SMARCC1: variants seen among roughly 807,000 people sequenced by gnomAD.
SMARCC1 encodes the protein SWI/SNF complex subunit SMARCC1.
SMARCC1 carries 43 observed loss-of-function variants against 147.4 expected under a neutral mutation model. The ratio of observed to expected loss-of-function variants is 0.29; its 90% CI spans 0.23 to 0.38. The LOEUF is 0.38. Ranked by LOEUF, SMARCC1 falls within the 10% of genes least tolerant of loss-of-function variation. The probability of loss-of-function intolerance (pLI) is 1.00; values close to 1 mark genes in which losing one functional copy is unlikely to be tolerated. For missense variants in SMARCC1, 1,119 were observed against 1,381.1 expected, an observed-to-expected ratio of 0.81 and a Z score of 3.01; for synonymous variants, 495 against 484.4, an observed-to-expected ratio of 1.02 and a Z score of -0.29.
intron 11 of SMARCC1, among the ~76,000 whole-genome samples, chr3:47,696,680 G>A (rs962997567): frequency 6.6e-6 from 1 of 151,692 alleles, no homozygotes; most frequent in African/African-American, 2.4e-5. Context: ...CACCACACCC[G>A]GCTAATTTTT....
At chr3:47,657,328 A>T (rs1281759545) in intron 21 of SMARCC1, among the ~76,000 whole-genome samples, 1 of 152,226 alleles carries the variant, frequency 6.6e-6, no homozygotes, top group African/African-American at 2.4e-5. Flanking sequence ...AGGCAACAAA[A>T]CAAGTCTTAA....
At chr3:47,688,184 C>T (rs1259087111) in intron 13 of SMARCC1, among the ~76,000 whole-genome samples, 1 of 152,004 alleles carries the variant, frequency 6.6e-6, no homozygotes, top group East Asian at 1.9e-4. Flanking sequence ...CGCTAGAACC[C>T]GGGAGGCGGA....
chr3:47,714,902 G>A (rs962309134), intron 7 of SMARCC1, among the ~76,000 whole-genome samples: 2 of 152,102 alleles, frequency 1.3e-5, no homozygotes, highest in Non-Finnish European at 2.9e-5. Flanking sequence ...AAGCTCCTCT[G>A]TAGAGGTCAC....
intron 2 of SMARCC1, among the ~76,000 whole-genome samples, chr3:47,750,007 G>A (rs1450352634): frequency 3.3e-5 from 5 of 151,752 alleles, no homozygotes; most frequent in African/African-American, 4.8e-5. Flanking sequence ...GCATGAACCC[G>A]GGACATGGAG....
intron 10 of SMARCC1, 166 bp from the exon 11 acceptor site, chr3:47,701,568 A>G: frequency 1.6e-6 from 1 of 627,586 alleles, no homozygotes; most frequent in Non-Finnish European, 2.8e-6. Context: ...TAATCAGAGC[A>G]CTTTGGGAGG....
Position 47,781,786 on chromosome 3 carries a change from C to T in SMARCC1, c.12G>A (p.Ala4=), listed in dbSNP as rs1208229449. The change falls in exon 1 of 28, where the codon GCG becomes GCA. Residue 4 remains alanine (A), a synonymous_variant. Coordinates refer to ENST00000254480, the MANE Select transcript of SMARCC1 (RefSeq NM_003074.4). MAA[A]AGGGGPGTAV... is the part of the protein sequence containing the mutation. The stretch of plus-strand genomic sequence containing the variant: ...CTGTCCCCGGCCCGCCGCCGCCCGC[C>T]GCTGCGGCCATCGTCGCAGCCCGTC... 2.7e-6 allele frequency: 4 copies of T among 1,461,408 alleles called. No individual in the cohort carries two copies. The highest frequency in any genetic ancestry group is 3.6e-6 in the Non-Finnish European group (4 of 1,108,210). The allele number at this position is 1,461,408 out of a possible 1,614,324, so 90.5% of individuals were successfully genotyped here.
chr3:47,600,997 A>AGGAG (rs1559622849), intron 26 of SMARCC1, among the ~76,000 whole-genome samples: 1 of 28,884 alleles, frequency 3.5e-5, no homozygotes, highest in African/African-American at 1.5e-4. Flanking sequence ...GAGGAAGAAA[A>AGGAG]TGAGAGAGAG....
intron 11 of SMARCC1, among the ~76,000 whole-genome samples, chr3:47,696,497 C>T (rs1202572255): frequency 6.6e-6 from 1 of 151,950 alleles, no homozygotes; most frequent in African/African-American, 2.4e-5. Flanking sequence ...AGACTATATG[C>T]TGTGAAATAA....
At chr3:47,647,748 G>A (rs894025670) in intron 21 of SMARCC1, among the ~76,000 whole-genome samples, 6 of 152,154 alleles carry the variant, frequency 3.9e-5, no homozygotes, top group African/African-American at 1.4e-4. Flanking sequence ...ATATTTAACT[G>A]CAAGGTTCCA....
intron 2 of SMARCC1, chr3:47,746,284 A>G (rs1428265894): frequency 4.4e-6 from 1 of 224,846 alleles, no homozygotes; most frequent in East Asian, 9.9e-5. Flanking sequence ...TCCAGTCTCT[A>G]GAAAAAAATT....
chr3:47,689,467 T>C (rs1249674250), intron 12 of SMARCC1, 43 bp from the exon 13 acceptor site: 2 of 1,553,898 alleles, frequency 1.3e-6, no homozygotes, highest in Non-Finnish European at 8.9e-7. Context: ...AACAGGTAAA[T>C]GTTCTTTGGG....
At chr3:47,780,168 G>GTTT (rs10662354) in intron 1 of SMARCC1, among the ~76,000 whole-genome samples, 5,350 of 61,398 alleles carry the variant, frequency 0.087, 211 homozygotes, top group Non-Finnish European at 0.092. Context: ...GTTTTTTTTT[G>GTTT]TTTTTTTTTT....
chr3:47,776,415 A>T (rs1361183290), intron 1 of SMARCC1, among the ~76,000 whole-genome samples: 1 of 152,188 alleles, frequency 6.6e-6, no homozygotes, highest in African/African-American at 2.4e-5. Flanking sequence ...GAGCCTGGCC[A>T]ACATGGCCAA....
chr3:47,697,921 C>T (rs938712078), intron 11 of SMARCC1, among the ~76,000 whole-genome samples: 9 of 127,444 alleles, frequency 7.1e-5, no homozygotes, highest in Non-Finnish European at 1.1e-4. Flanking sequence ...GGCAGGAGAA[C>T]GGTGTGAACC....
At chr3:47,772,409 A>G (rs1227302360) in intron 2 of SMARCC1, among the ~76,000 whole-genome samples, 1 of 152,166 alleles carries the variant, frequency 6.6e-6, no homozygotes, top group Non-Finnish European at 1.5e-5. Context: ...CAAAAATAAA[A>G]CACACAATTG....
chr3:47,687,574 G>A (rs1267633160), intron 13 of SMARCC1, among the ~76,000 whole-genome samples: 1 of 152,110 alleles, frequency 6.6e-6, no homozygotes, highest in East Asian at 1.9e-4. Context: ...GCATTAAAAC[G>A]AAGGAATTTG....
chr3:47,719,062 A>G (rs2034198346), intron 7 of SMARCC1, among the ~76,000 whole-genome samples: 1 of 151,934 alleles, frequency 6.6e-6, no homozygotes, highest in Non-Finnish European at 1.5e-5. Flanking sequence ...ACAGGCACCC[A>G]CCACCATGCC....
At chr3:47,714,363 A>G in intron 8 of SMARCC1, 52 bp downstream of exon 8, 1 of 1,127,560 alleles carries the variant, frequency 8.9e-7, no homozygotes, top group South Asian at 1.3e-5. Flanking sequence ...ACGCCATCTC[A>G]AAAAAAATTT....
At chr3:47,756,260 G>A (rs1391556001) in intron 2 of SMARCC1, among the ~76,000 whole-genome samples, 10 of 151,772 alleles carry the variant, frequency 6.6e-5, no homozygotes, top group Non-Finnish European at 1.3e-4. Flanking sequence ...CTGGCCAGGC[G>A]TGGTGGCTCA....
Sources: allele counts gnomAD v4.1 joint callset (sites outside exome capture counted in the v4.1 genomes callset), GRCh38; gene constraint gnomAD v4.1.1; transcripts MANE v1.5; gene names NCBI Gene and HGNC (gene_info 2026-07-23, HGNC 2026-07-21).